SLC16A2: variants seen among roughly 807,000 people sequenced by gnomAD.
SLC16A2 encodes the protein monocarboxylate transporter 8.
Under a neutral mutation model 27.2 loss-of-function variants are expected in SLC16A2, and 3 were observed. The observed-to-expected ratio is 0.11, with a 90% CI of 0.05 to 0.28. SLC16A2 has a LOEUF of 0.28. Ranked by LOEUF, SLC16A2 falls within the 10% of genes least tolerant of loss-of-function variation. SLC16A2 has a pLI of 1.00. For synonymous variants in SLC16A2, 202 were observed against 187.8 expected (o/e 1.08, Z -0.62); for missense variants, 295 against 458.5 (o/e 0.64, Z 3.26).
chrX:74,428,160 C>A (rs984212867), intron 1 of SLC16A2, among the ~76,000 whole-genome samples: 1 of 111,156 alleles, frequency 9.0e-6, no homozygotes, highest in Non-Finnish European at 1.9e-5. Flanking sequence ...GTTTAGGCAA[C>A]CCCAGCTCTC....
chrX:74,496,167 G>A (rs1164729193), intron 1 of SLC16A2, among the ~76,000 whole-genome samples: 1 of 110,886 alleles, frequency 9.0e-6, no homozygotes, highest in Non-Finnish European at 1.9e-5. Context: ...GAGAGCCTAA[G>A]GAGCAGAGTT....
chrX:74,450,674 GGGGATTGCTGATTA>G (rs1928923245), intron 1 of SLC16A2, among the ~76,000 whole-genome samples: 1 of 111,853 alleles, frequency 8.9e-6, no homozygotes, highest in South Asian at 3.8e-4. Flanking sequence ...TTATGCCAAT[GGGGATTGCTGATTA>G]GGTCTCACTC....
At chrX:74,473,908 G>T (rs1929410509) in intron 1 of SLC16A2, 1 of 442,559 alleles carries the variant, frequency 2.3e-6, no homozygotes, top group Admixed American at 3.3e-5. Context: ...TCAATGAAGA[G>T]CTTCCTCAGC....
intron 1 of SLC16A2, among the ~76,000 whole-genome samples, chrX:74,435,306 G>A (rs1470668727): frequency 9.2e-6 from 1 of 109,256 alleles, no homozygotes; most frequent in Non-Finnish European, 1.9e-5. Flanking sequence ...TGCAGTGAAG[G>A]ACTGTATAGA....
intron 1 of SLC16A2, among the ~76,000 whole-genome samples, chrX:74,504,882 C>T (rs181723008): frequency 3.6e-5 from 4 of 111,499 alleles, no homozygotes; most frequent in Admixed American, 1.9e-4. Flanking sequence ...CCCAGCCACA[C>T]GGGAGGCTGA....
At chrX:74,520,489 G>C (rs1347936555) in intron 1 of SLC16A2, among the ~76,000 whole-genome samples, 1 of 111,680 alleles carries the variant, frequency 9.0e-6, no homozygotes, top group Non-Finnish European at 1.9e-5. Context: ...CATGGGCTCT[G>C]ATGACGGATT....
At chrX:74,494,335 C>T (rs1042950581) in intron 1 of SLC16A2, among the ~76,000 whole-genome samples, 5 of 111,690 alleles carry the variant, frequency 4.5e-5, no homozygotes, top group African/African-American at 1.6e-4. Flanking sequence ...CTCCTGTACA[C>T]AGCATCCAGC....
intron 1 of SLC16A2, among the ~76,000 whole-genome samples, chrX:74,503,309 C>T (rs1043520273): frequency 9.0e-6 from 1 of 111,429 alleles, no homozygotes. Flanking sequence ...TTGACCCATA[C>T]TGCTTTCTTT....
At chrX:74,473,408 G>A (rs1929397832) in intron 1 of SLC16A2, 1 of 538,584 alleles carries the variant, frequency 1.9e-6, no homozygotes, top group Admixed American at 2.3e-5. Flanking sequence ...CTTTGACAGG[G>A]CTTTCCTAAC....
intron 3 of SLC16A2, 21 bp downstream of exon 3, chrX:74,524,830 C>T: frequency 8.5e-7 from 1 of 1,176,949 alleles, no homozygotes; most frequent in African/African-American, 1.7e-5. Flanking sequence ...CCAGAGTGGG[C>T]CCACCCCACC....
chrX:74,512,117 T>C (rs978229276), intron 1 of SLC16A2, among the ~76,000 whole-genome samples: 1 of 112,249 alleles, frequency 8.9e-6, no homozygotes. Flanking sequence ...GCATAAGTCA[T>C]CACAGTCCTA....
chrX:74,516,478 G>C (rs1327547236), intron 1 of SLC16A2, among the ~76,000 whole-genome samples: 3 of 111,309 alleles, frequency 2.7e-5, no homozygotes, highest in African/African-American at 9.8e-5. Context: ...AGGGTGAGGA[G>C]ATATAAGGGA....
At chrX:74,507,751 A>G (rs1930159825) in intron 1 of SLC16A2, among the ~76,000 whole-genome samples, 1 of 112,327 alleles carries the variant, frequency 8.9e-6, no homozygotes, top group Non-Finnish European at 1.9e-5. Flanking sequence ...TTGCAGCAAC[A>G]TGGATAGAAC....
At chrX:74,457,175 A>G (rs1230449244) in intron 1 of SLC16A2, among the ~76,000 whole-genome samples, 1 of 111,608 alleles carries the variant, frequency 9.0e-6, no homozygotes, top group African/African-American at 3.3e-5. Context: ...TCTCTGAGGA[A>G]TGGAGTGATT....
At chrX:74,490,611 G>C (rs1418072947) in intron 1 of SLC16A2, among the ~76,000 whole-genome samples, 1 of 111,229 alleles carries the variant, frequency 9.0e-6, no homozygotes, top group African/African-American at 3.3e-5. Flanking sequence ...GGGGTTCCCT[G>C]TAGGGCCACT....
At chrX:74,486,546 C>A (rs1044195289) in intron 1 of SLC16A2, among the ~76,000 whole-genome samples, 2 of 111,727 alleles carry the variant, frequency 1.8e-5, no homozygotes, top group Non-Finnish European at 3.8e-5. Context: ...CATCTCACAC[C>A]AGTTAGAATG....
At chrX:74,453,422 A>G (rs896185908) in intron 1 of SLC16A2, among the ~76,000 whole-genome samples, 9 of 110,855 alleles carry the variant, frequency 8.1e-5, no homozygotes. Context: ...TTTAAAATGC[A>G]TTTACACATC....
chrX:74,432,595 A>T (rs1467470935), intron 1 of SLC16A2, among the ~76,000 whole-genome samples: 2 of 111,858 alleles, frequency 1.8e-5, no homozygotes, highest in East Asian at 5.7e-4. Flanking sequence ...CAGTAATTTA[A>T]ATGCCTTCTG....
At chrX:74,476,296 A>G (rs1244293428) in intron 1 of SLC16A2, among the ~76,000 whole-genome samples, 1 of 111,911 alleles carries the variant, frequency 8.9e-6, no homozygotes, top group Non-Finnish European at 1.9e-5. Context: ...ATTGGTGTAT[A>G]AGAATGCTTG....
Sources: allele counts gnomAD v4.1 joint callset (sites outside exome capture counted in the v4.1 genomes callset), GRCh38; gene constraint gnomAD v4.1.1; transcripts MANE v1.5; gene names NCBI Gene and HGNC (gene_info 2026-07-23, HGNC 2026-07-21).